Variants in NFIC observed in about 807,000 individuals in gnomAD.
NFIC encodes nuclear factor I C.
In NFIC, 12 loss-of-function variants were observed where a neutral mutation model predicts 54.4. The ratio of observed to expected loss-of-function variants is 0.22; its 90% confidence interval spans 0.14 to 0.36. The LOEUF (loss-of-function observed/expected upper bound fraction) is 0.36, where lower values mean the gene tolerates loss of function less well. NFIC is among the 10% of genes least tolerant of loss of function. The pLI, the probability that NFIC is intolerant of heterozygous loss-of-function variation, is 1.00. For synonymous variants in NFIC, 322 were observed against 319.2 expected, an observed-to-expected ratio of 1.01 and a Z score of -0.09; for missense variants, 575 against 718.2, an observed-to-expected ratio of 0.80 and a Z score of 2.28.
chr19:3,366,826 G>GA (rs945164264), intron 1 of NFIC, among the ~76,000 whole-genome samples, 160 bp downstream of exon 1: 2 of 152,032 alleles, frequency 1.3e-5, no homozygotes, highest in African/African-American at 4.8e-5. Context: ...CCGGTGGGGG[G>GA]ATGGGTCAGG....
upstream of NFIC, among the ~76,000 whole-genome samples, chr19:3,362,037 C>T (rs922090045): frequency 7.9e-5 from 12 of 152,208 alleles, no homozygotes; most frequent in African/African-American, 2.7e-4. Flanking sequence ...GGGGGATAGA[C>T]AACCACATCT....
chr19:3,394,093 A>G (rs2081419417), intron 2 of NFIC, among the ~76,000 whole-genome samples: 1 of 151,596 alleles, frequency 6.6e-6, no homozygotes, highest in South Asian at 2.1e-4. Context: ...CTTCCCGAGT[A>G]GTAACATTAA....
intron 2 of NFIC, among the ~76,000 whole-genome samples, chr19:3,394,207 A>T (rs2081421228): frequency 6.6e-6 from 1 of 152,118 alleles, no homozygotes; most frequent in African/African-American, 2.4e-5. Context: ...GGTCGGGTGC[A>T]GTGGCTCACG....
chr19:3,437,442 C>T (rs2082221374), intron 6 of NFIC, among the ~76,000 whole-genome samples: 2 of 151,578 alleles, frequency 1.3e-5, no homozygotes, highest in South Asian at 2.1e-4. Flanking sequence ...TGCCAAGGCC[C>T]CTCCCTTCCA....
At chr19:3,456,873 C>T (rs1456819291) in intron 10 of NFIC, 2 of 569,590 alleles carry the variant, frequency 3.5e-6, no homozygotes. Context: ...CTGTGGGGTC[C>T]CCAGGAGCGT....
upstream of NFIC, among the ~76,000 whole-genome samples, chr19:3,363,232 T>TGTGTGTGTGTGCGC (rs201714015): frequency 1.9e-5 from 1 of 52,996 alleles, no homozygotes; most frequent in African/African-American, 8.0e-5. Flanking sequence ...TATGTATGTG[T>TGTGTGTGTGTGCGC]ATGTGTGTGT....
chr19:3,375,643 G>C lies in NFIC; in HGVS notation c.31-6069G>C, dbSNP rs894295867. The stretch of plus-strand genomic sequence containing the variant: ...GGTGACTCACGCTTTGGGGGACATT[G>C]GGGTGGGGGAGCTTCGCTGGTACAA... On this transcript the variant is annotated intron_variant, in intron 1 of 10. Transcript: ENST00000443272. This position sits in a 1 kb window ranked among gnomAD's most constrained non-coding sequence, Gnocchi z 4.6. Among the ~76,000 whole-genome samples, 4 of 152,200 alleles carry C rather than the reference G, an allele frequency of 2.6e-5. No homozygotes were observed. Among genetic ancestry groups the C allele is most frequent in the African/African-American group, 9.7e-5 (4 of 41,450 alleles).
intron 1 of NFIC, among the ~76,000 whole-genome samples, chr19:3,361,090 C>T (rs1051257969): frequency 1.3e-5 from 2 of 152,192 alleles, no homozygotes; most frequent in African/African-American, 4.8e-5. Context: ...ACGTCCCCTC[C>T]ACTTCCCCCA....
intron 2 of NFIC, among the ~76,000 whole-genome samples, chr19:3,423,900 G>A (rs1284450516): frequency 6.6e-6 from 1 of 152,152 alleles, no homozygotes; most frequent in Non-Finnish European, 1.5e-5. Context: ...GACGTCTCCA[G>A]GACTCACCTC....
chr19:3,389,496 C>T (rs535966877), intron 2 of NFIC, among the ~76,000 whole-genome samples: 1 of 152,228 alleles, frequency 6.6e-6, no homozygotes, highest in East Asian at 1.9e-4. Context: ...GCCATGAGCT[C>T]GGGTGACGGT....
At chr19:3,432,670 CT>C (rs33968415) in intron 3 of NFIC, among the ~76,000 whole-genome samples, 41,856 of 129,214 alleles carry the variant, frequency 0.32, 6,617 homozygotes, top group East Asian at 0.56. Flanking sequence ...GCTTTCCGCT[CT>C]TTTTTTTTTT....
At chr19:3,388,670 T>C (rs1339553101) in intron 2 of NFIC, among the ~76,000 whole-genome samples, 2 of 150,410 alleles carry the variant, frequency 1.3e-5, no homozygotes, top group Non-Finnish European at 3.0e-5. Context: ...CCAACAAAAT[T>C]TTTAAAAATG....
intron 6 of NFIC, among the ~76,000 whole-genome samples, chr19:3,437,152 G>T (rs1306960284): frequency 6.6e-6 from 1 of 152,068 alleles, no homozygotes; most frequent in Admixed American, 6.6e-5. Context: ...CGGATCACGA[G>T]GTCAGGAGAT....
At chr19:3,384,681 G>A (rs949962775) in intron 2 of NFIC, among the ~76,000 whole-genome samples, 2 of 152,092 alleles carry the variant, frequency 1.3e-5, no homozygotes, top group African/African-American at 2.4e-5. Flanking sequence ...GAGCCACCGC[G>A]CCCGGCAGTT....
upstream of NFIC, among the ~76,000 whole-genome samples, chr19:3,363,781 G>T (rs919751600): frequency 6.6e-6 from 1 of 152,206 alleles, no homozygotes; most frequent in Non-Finnish European, 1.5e-5. Flanking sequence ...TGGTTGTCAC[G>T]ACTGGGGGGT....
Position 3,434,567 on chromosome 19 carries a change from G to A in NFIC, c.833+167G>A, listed in dbSNP as rs78796283. On this transcript the variant is annotated intron_variant, in intron 5 of 10. Transcript: ENST00000443272. ...TCCTTCAAAACCCAGCCAGCCCCACGTGCCTCTTCCCCTAGCCCTGACAGC... is the reference window on the plus strand; with the variant it reads ...TCCTTCAAAACCCAGCCAGCCCCACATGCCTCTTCCCCTAGCCCTGACAGC... Among the ~76,000 whole-genome samples, 1,376 of 152,078 alleles carry A rather than the reference G, an allele frequency of 9.0e-3. 41 individuals are homozygous for A. The highest frequency in any genetic ancestry group is 0.072 in the East Asian group (372 of 5,164).
In NFIC at chr19:3,452,681, G is replaced by T. The variant is rs1248596652; in HGVS notation, c.1269+15G>T. ...AACCTGGACCGGTGAGTTGGGCGGG[G>T]CGCATTCGGGCCTCTCCTGGCGGCT... On this transcript the variant is annotated intron_variant, in intron 8 of 10. Transcript: ENST00000443272. This position sits in a 1 kb window ranked among gnomAD's most constrained non-coding sequence, Gnocchi z 5.3. 8.2e-6 allele frequency: 13 copies of T among 1,583,864 alleles called. No homozygotes were observed. The highest frequency in any genetic ancestry group is 1.0e-5 in the Non-Finnish European group (12 of 1,165,956).
At chr19:3,366,438 AGAGAGCGAGGCG>A, upstream of NFIC, 1 of 493,954 alleles carries the variant, frequency 2.0e-6, no homozygotes, top group East Asian at 3.6e-5. Context: ...AGAGAGGGAC[AGAGAGCGAGGCG>A]GGCGGCGCGA....
At chr19:3,366,453 C>T, upstream of NFIC, 1 of 494,566 alleles carries the variant, frequency 2.0e-6, no homozygotes, top group South Asian at 2.8e-5. Flanking sequence ...GCGAGGCGGG[C>T]GGCGCGAGAG....
Sources: gnomAD v4.1 joint callset for allele counts (sites outside exome capture counted in the v4.1 genomes callset) on GRCh38, gnomAD v4.1.1 for gene constraint, Gnocchi (gnomAD v3.1) non-coding constraint, MANE v1.5 for transcripts, NCBI Gene and HGNC (gene_info 2026-07-23, HGNC 2026-07-21) for gene names.